The following CSTF3 variants were observed in gnomAD, a reference collection of about 807,000 sequenced individuals.
The protein encoded by CSTF3 is cleavage stimulation factor subunit 3.
A neutral mutation model predicts 105.8 loss-of-function variants in CSTF3; 29 were observed. The ratio of observed to expected loss-of-function variants is 0.27; its 90% CI spans 0.20 to 0.37. The LOEUF (loss-of-function observed/expected upper bound fraction) is 0.37. CSTF3 is among the 10% of genes least tolerant of loss of function. CSTF3 has a pLI of 1.00. For synonymous variants in CSTF3, 252 were observed against 281.9 expected, an observed-to-expected ratio of 0.89 and a Z score of 1.06; for missense variants, 357 against 879.3, an observed-to-expected ratio of 0.41 and a Z score of 7.51.
intron 1 of CSTF3, 123 bp from the exon 2 acceptor site, chr11:33,142,109 T>C: frequency 6.8e-7 from 1 of 1,470,104 alleles, no homozygotes; most frequent in Non-Finnish European, 9.1e-7. Flanking sequence ...AATATCCTCT[T>C]ATAAAAGAGA....
chr11:33,110,951 C>G (rs1337899296), intron 3 of CSTF3, among the ~76,000 whole-genome samples: 1 of 152,158 alleles, frequency 6.6e-6, no homozygotes, highest in Non-Finnish European at 1.5e-5. Context: ...TAAAAGCAGG[C>G]CGGGCATGGT....
chr11:33,146,769 A>C (rs2133803136), intron 1 of CSTF3, among the ~76,000 whole-genome samples: 1 of 152,220 alleles, frequency 6.6e-6, no homozygotes, highest in East Asian at 1.9e-4. Flanking sequence ...AGAAATATTC[A>C]CTCAGTGCCT....
intron 3 of CSTF3, among the ~76,000 whole-genome samples, chr11:33,133,496 C>T (rs1855622105): frequency 2.6e-5 from 4 of 152,340 alleles, no homozygotes; most frequent in Middle Eastern, 6.8e-3. Context: ...ACTAAAGACA[C>T]ATGACCATTT....
chr11:33,093,350 C>T (rs527523216), intron 15 of CSTF3, among the ~76,000 whole-genome samples: 1 of 152,274 alleles, frequency 6.6e-6, no homozygotes, highest in Non-Finnish European at 1.5e-5. Flanking sequence ...TTCCACAGAA[C>T]TTTCACACTG....
At chr11:33,128,201 A>C (rs187739317) in intron 3 of CSTF3, among the ~76,000 whole-genome samples, 71 of 152,278 alleles carry the variant, frequency 4.7e-4, no homozygotes, top group Admixed American at 2.5e-3. Context: ...CCAATTTTTT[A>C]TCTTAGGAAA....
At chr11:33,123,785 G>A (rs1036731861) in intron 3 of CSTF3, among the ~76,000 whole-genome samples, 1 of 152,070 alleles carries the variant, frequency 6.6e-6, no homozygotes, top group Non-Finnish European at 1.5e-5. Context: ...TCTAGATTCT[G>A]AACATTGTCT....
intron 4 of CSTF3, 65 bp from the exon 5 acceptor site, chr11:33,108,065 T>C (rs933473870): frequency 3.0e-5 from 31 of 1,029,084 alleles, no homozygotes; most frequent in Admixed American, 1.8e-4. Context: ...ATAGATGAAA[T>C]GGAACATTAA....
rs906616867 is a variant in CSTF3, at chr11:33,104,330, G to T, written c.586-1146C>A. Among the ~76,000 whole-genome samples, 7 of 152,176 alleles carry T rather than the reference G, an allele frequency of 4.6e-5. No homozygotes were observed. The East Asian group carries it at 1.3e-3, about 29-fold the overall frequency. On this transcript the variant is annotated intron_variant, in intron 8 of 20. Coordinates refer to ENST00000323959, the MANE Select transcript of CSTF3 (RefSeq NM_001326.3). ...CATAAAATACAGGAGTTTTACAGAG[G>T]CTACGTGACATTTAGTATTATAACA... is the stretch of plus-strand genomic sequence containing the variant.
intron 3 of CSTF3, among the ~76,000 whole-genome samples, chr11:33,140,200 C>G (rs1855695942): frequency 6.6e-6 from 1 of 152,010 alleles, no homozygotes. Flanking sequence ...GATCCAGGTT[C>G]CTTGTTTTAA....
chr11:33,100,231 T>G (rs953316286), intron 10 of CSTF3, among the ~76,000 whole-genome samples: 1 of 151,910 alleles, frequency 6.6e-6, no homozygotes, highest in African/African-American at 2.4e-5. Context: ...GGTGGGTGCC[T>G]GTAGCCCCAG....
intron 3 of CSTF3, among the ~76,000 whole-genome samples, chr11:33,137,935 G>C (rs1855671860): frequency 6.6e-6 from 1 of 151,692 alleles, no homozygotes; most frequent in Admixed American, 6.6e-5. Context: ...ATCAACAGTG[G>C]AAAAGTTTAT....
rs1294592384 is a variant in CSTF3 at position 33,090,714 on chromosome 11, G to A, written c.1459C>T (p.Arg487Ter). 2.6e-6 allele frequency: 4 copies of A among 1,531,868 alleles called. No individual in the cohort carries two copies. The highest frequency in any genetic ancestry group is 1.3e-5 in the South Asian group (1 of 76,232). 94.9% of individuals were successfully genotyped at this position (1,531,868 alleles called of 1,614,324 possible). A position where few individuals can be genotyped will look rare whatever the true frequency, so the allele number is the denominator to read the frequency against. ...ATATTACTTTCAAATGCTAGAAATC[G>A]GGCCCAGATTTCTCTGCAAGAAAAG... The part of the protein sequence containing the change: ...PPEKSGEIWA[R>*]FLAFESNIGD... The change falls in exon 17 of 21, where the codon CGA becomes TGA. Residue 487 changes from arginine (R) to a stop codon, truncating the protein, a stop_gained. Coordinates refer to ENST00000323959, the MANE Select transcript of CSTF3 (RefSeq NM_001326.3). LOFTEE classifies it high-confidence loss of function.
chr11:33,088,922 T>C (rs937084048), intron 17 of CSTF3, among the ~76,000 whole-genome samples: 4 of 152,248 alleles, frequency 2.6e-5, no homozygotes, highest in Admixed American at 2.6e-4. Flanking sequence ...CTGGCAGATC[T>C]TTATTTTAAT....
At chr11:33,098,840 G>T in intron 12 of CSTF3, 76 bp from the exon 13 acceptor site, 1 of 1,267,556 alleles carries the variant, frequency 7.9e-7, no homozygotes, top group Non-Finnish European at 1.1e-6. Flanking sequence ...GGAATCCAAA[G>T]GCTATAACCT....
At chr11:33,088,203 C>T (rs976917577) in intron 17 of CSTF3, among the ~76,000 whole-genome samples, 2 of 145,082 alleles carry the variant, frequency 1.4e-5, no homozygotes, top group Non-Finnish European at 2.9e-5. Context: ...ATTAATCCTT[C>T]CCCAAAAAAC....
intron 1 of CSTF3, among the ~76,000 whole-genome samples, chr11:33,154,775 A>G (rs888396134): frequency 6.6e-6 from 1 of 152,114 alleles, no homozygotes; most frequent in Non-Finnish European, 1.5e-5. Context: ...GATTACAGAC[A>G]GGCGTGAGCC....
At chr11:33,106,857 A>G (rs1855332460) in intron 5 of CSTF3, among the ~76,000 whole-genome samples, 1 of 152,256 alleles carries the variant, frequency 6.6e-6, no homozygotes, top group Non-Finnish European at 1.5e-5. Flanking sequence ...TTAATGAGAC[A>G]TTAAGATCTT....
chr11:33,138,516 T>TA (rs1460674924), intron 3 of CSTF3, among the ~76,000 whole-genome samples: 2 of 151,876 alleles, frequency 1.3e-5, no homozygotes, highest in Admixed American at 6.6e-5. Context: ...CTCAAGTGTT[T>TA]AAAACCTCTC....
intron 8 of CSTF3, 62 bp downstream of exon 8, chr11:33,105,505 C>A: frequency 6.9e-7 from 1 of 1,445,386 alleles, no homozygotes; most frequent in South Asian, 1.3e-5. Context: ...TCTACAAATC[C>A]ACAATGCATA....
Sources: allele counts gnomAD v4.1 joint callset (sites outside exome capture counted in the v4.1 genomes callset), GRCh38; gene constraint gnomAD v4.1.1; transcripts MANE v1.5; gene names NCBI Gene and HGNC (gene_info 2026-07-23, HGNC 2026-07-21).